TAOK2: variants seen among roughly 807,000 people sequenced by gnomAD.
TAOK2 encodes TAO kinase 2, also known as serine/threonine-protein kinase TAO2.
In TAOK2, 42 loss-of-function variants were observed where a neutral mutation model predicts 122.5. The observed-to-expected ratio is 0.34, with a 90% CI of 0.27 to 0.44. The LOEUF is 0.44. TAOK2 is among the 20% of genes least tolerant of loss of function. The probability of loss-of-function intolerance (pLI) is 1.00; values close to 1 mark genes in which losing one functional copy is unlikely to be tolerated. For synonymous variants in TAOK2, 704 were observed against 677.6 expected, an observed-to-expected ratio of 1.04 and a Z score of -0.61; for missense variants, 1,264 against 1,644.9, an observed-to-expected ratio of 0.77 and a Z score of 4.01.
intron 2 of TAOK2, 56 bp downstream of exon 2, chr16:29,977,960 G>T: frequency 6.2e-7 from 1 of 1,613,208 alleles, no homozygotes; most frequent in East Asian, 2.2e-5. Context: ...TATCCCTGTG[G>T]ACTTCCCAAC....
Position 29,983,323 on chromosome 16 carries a change from C to A in TAOK2, c.1251C>A (p.His417Gln), listed in dbSNP as rs2069677985. Residue 417 changes from histidine to glutamine, a missense_variant, in exon 12 of 16, where the codon CAC becomes CAA. Physicochemically the swap from His to Gln is conservative, Grantham distance 24 (BLOSUM62 0). This residue lies in a region of TAOK2 where 122 missense variants were observed against 116.7 expected (regional missense o/e 1.04). Transcript: ENST00000308893. ...HTVTSHSSII[H>Q]RLPGSDNLYD... Reference sequence around the variant, plus strand: ...TCACCTCTCACAGCTCCATTATCCACCGGCTGCCGGTACACAGCTCACCCT... The same window carrying A: ...TCACCTCTCACAGCTCCATTATCCAACGGCTGCCGGTACACAGCTCACCCT... 2 of 1,596,730 alleles carry A rather than the reference C, an allele frequency of 1.3e-6. No individual in the cohort carries two copies. The highest frequency in any genetic ancestry group is 1.3e-5 in the African/African-American group (1 of 74,872).
At chr16:29,976,622 C>G (rs867006679) in intron 1 of TAOK2, among the ~76,000 whole-genome samples, 2 of 152,162 alleles carry the variant, frequency 1.3e-5, no homozygotes, top group African/African-American at 2.4e-5. Context: ...TGGTATCCTG[C>G]AGGAACTTTC....
At chr16:29,990,163 A>AT, downstream of TAOK2, 1 of 231,442 alleles carries the variant, frequency 4.3e-6, no homozygotes, top group East Asian at 1.0e-4. Context: ...CTTCTGGAGG[A>AT]TTTTGAAAGT....
rs1240351892 is a variant in TAOK2, at chr16:29,987,027, G to T, written c.2755G>T (p.Asp919Tyr). 6.2e-7 allele frequency: 1 copy of T among 1,612,354 alleles called. No individual in the cohort carries two copies. Residue 919 changes from aspartate (D) to tyrosine (Y), a missense_variant, in exon 16 of 16, where the codon GAT (aspartate) becomes TAT (tyrosine). By Grantham distance (160) the Asp-to-Tyr change is radical (BLOSUM62 -3). Coordinates refer to ENST00000308893, the MANE Select transcript of TAOK2 (RefSeq NM_016151.4). Reference protein sequence around the residue: ...APIGTPRDPGDGCPSPDIPPE... With the variant: ...APIGTPRDPGYGCPSPDIPPE... ...GATTGGGACCCCTAGGGATCCTGGA[G>T]ATGGTTGTCCTTCCCCCGACATCCC...
Position 29,986,793 on chromosome 16 carries a change from G to T in TAOK2, c.2521G>T (p.Gly841Cys). ...GAGCCTGGTTGATGAGGAAGTTTGG[G>T]GTCTGCCTGAGGAGATAGAGGAGCT... Reference protein sequence around the residue: ...HGSLVDEEVWGLPEEIEELRV... With the variant: ...HGSLVDEEVWCLPEEIEELRV... Residue 841 changes from glycine to cysteine, a missense_variant, in exon 16 of 16, where the codon GGT becomes TGT. Physicochemically the swap from Gly to Cys is radical, Grantham distance 159. Transcript: ENST00000308893. This position sits in a 1 kb window ranked among gnomAD's most constrained non-coding sequence, Gnocchi z 4.2. 1 of 1,613,788 alleles carries T rather than the reference G, an allele frequency of 6.2e-7. No homozygotes were observed. Among genetic ancestry groups the T allele is most frequent in the African/African-American group, 1.3e-5 (1 of 74,962 alleles).
At position 29,985,772 on chromosome 16, in the gene TAOK2, C is replaced by T; in HGVS notation, c.1903C>T (p.Gln635Ter). Residue 635 changes from glutamine (Q) to a stop codon, truncating the protein, a stop_gained, in exon 15 of 16, where the codon CAG becomes TAG. Transcript: ENST00000308893. LOFTEE classifies it high-confidence loss of function. This position sits in a 1 kb window ranked among gnomAD's most constrained non-coding sequence, Gnocchi z 6.9. ...GGAGGAAGCAGGGCTGCTGCGGCGGCAGCGCCAGTACTTTGAGCTGCAGTG... is the reference window on the plus strand; with the variant it reads ...GGAGGAAGCAGGGCTGCTGCGGCGGTAGCGCCAGTACTTTGAGCTGCAGTG... ...AEEEAGLLRR[Q>*]RQYFELQCRQ... 1 of 1,611,250 alleles carries T rather than the reference C, an allele frequency of 6.2e-7. No individual in the cohort carries two copies.
rs1233599531 is a variant in TAOK2 at position 29,979,092 on chromosome 16, C to A, written c.449+22C>A. On this transcript the variant is annotated intron_variant, in intron 6 of 15. Transcript: ENST00000308893. The surrounding 1 kb of genome is among the most constrained non-coding windows in gnomAD (Gnocchi z 4.1). ...ATAGGTACAAGCAGCACCGGCAGTG[C>A]CTGGGAGGGGAGTGCTATCTGCACC... is the stretch of plus-strand genomic sequence containing the variant. 6.2e-7 allele frequency: 1 copy of A among 1,613,722 alleles called. No individual in the cohort carries two copies. Among genetic ancestry groups the A allele is most frequent in the Non-Finnish European group, 8.5e-7 (1 of 1,179,788 alleles).
downstream of TAOK2, chr16:29,991,451 G>T: frequency 6.6e-7 from 1 of 1,505,146 alleles, no homozygotes; most frequent in South Asian, 1.3e-5. The surrounding 1 kb of genome is among the most constrained non-coding windows in gnomAD (Gnocchi z 5.6). Context: ...GGGCAGCCTC[G>T]GGGGGCAGTG....
Position 29,974,256 on chromosome 16 carries a change from C to T in TAOK2, c.-428C>T, listed in dbSNP as rs190480473. The stretch of plus-strand genomic sequence containing the variant: ...ATATCCGGGACTCGGGTCCCAACCT[C>T]TCTAAACCTGGGTCTCTGTTTCATA... On this transcript the variant is annotated 5_prime_UTR_variant, in exon 1 of 16. Coordinates refer to ENST00000308893, the MANE Select transcript of TAOK2 (RefSeq NM_016151.4). The T allele has an allele frequency of 6.5e-6, 1 of 152,758 alleles. No individual in the cohort carries two copies. Among genetic ancestry groups the T allele is most frequent in the African/African-American group, 2.4e-5 (1 of 41,580 alleles). 9.5% of individuals were successfully genotyped at this position (152,758 alleles called of 1,614,324 possible).
At chr16:29,978,382 C>A in intron 4 of TAOK2, 29 bp downstream of exon 4, 1 of 1,604,778 alleles carries the variant, frequency 6.2e-7, no homozygotes, top group Non-Finnish European at 8.5e-7. Context: ...CTGGCCTGAT[C>A]TTTACTCCTA....
downstream of TAOK2, chr16:29,992,090 C>CTTTTTT (rs878891173): frequency 7.3e-6 from 1 of 137,774 alleles, no homozygotes; most frequent in Non-Finnish European, 1.6e-5. Flanking sequence ...TGTCCTTTAT[C>CTTTTTT]TTTTTTTTTT....
chr16:29,991,248 C>CGTCCCGT, downstream of TAOK2: 1 of 1,612,096 alleles, frequency 6.2e-7, no homozygotes, highest in Non-Finnish European at 8.5e-7. The surrounding 1 kb of genome is among the most constrained non-coding windows in gnomAD (Gnocchi z 5.6). Context: ...CTGGCCCTCC[C>CGTCCCGT]GTCCCGTTCC....
chr16:29,981,516 C>T lies in TAOK2; in HGVS notation c.656-145C>T, dbSNP rs769029541. On this transcript the variant is annotated intron_variant, in intron 8 of 15. Transcript: ENST00000308893. ...TTACAGAGGAAGGAATTAACTGAGACGCAACAGGATGATGGGAACTTCTCA... is the reference window on the plus strand; with the variant it reads ...TTACAGAGGAAGGAATTAACTGAGATGCAACAGGATGATGGGAACTTCTCA... The T allele has an allele frequency of 2.0e-5, 15 of 741,862 alleles. 1 individual carries two copies. Among genetic ancestry groups the T allele is most frequent in the Admixed American group, 8.0e-5 (4 of 49,758 alleles). 46.0% of individuals were successfully genotyped at this position (741,862 alleles called of 1,614,324 possible). A position where few individuals can be genotyped will look rare whatever the true frequency, so the allele number is the denominator to read the frequency against.
Position 29,981,850 on chromosome 16 carries a change from G to T in TAOK2, c.750-9G>T, listed in dbSNP as rs2069628161. On this transcript the variant is annotated splice_polypyrimidine_tract_variant and intron_variant, in intron 9 of 15. Transcript: ENST00000308893. ...CCCCACCCCTCTCCCACCCTCCTGT[G>T]ACTTTCAGGTCTGAGTACTTCCGGA... 2 of 1,607,406 alleles carry T rather than the reference G, an allele frequency of 1.2e-6. 1 individual carries two copies. Among genetic ancestry groups the T allele is most frequent in the East Asian group, 4.5e-5 (2 of 44,826 alleles).
chr16:29,988,604 G>C, downstream of TAOK2: 2 of 985,414 alleles, frequency 2.0e-6, no homozygotes, highest in African/African-American at 3.5e-5. Context: ...GGCCCCTGTA[G>C]AACTTCACCG....
chr16:29,991,946 C>G (rs2069979964), downstream of TAOK2: 3 of 169,442 alleles, frequency 1.8e-5, no homozygotes, highest in African/African-American at 7.1e-5. The surrounding 1 kb of genome is among the most constrained non-coding windows in gnomAD (Gnocchi z 5.6). Flanking sequence ...AGACCTGCCA[C>G]AGGGCAGAGC....
chr16:29,986,405 G>A lies in TAOK2; in HGVS notation c.2133G>A (p.Gln711=). 6.2e-7 allele frequency: 1 copy of A among 1,611,536 alleles called. No individual in the cohort carries two copies. The highest frequency in any genetic ancestry group is 8.5e-7 in the Non-Finnish European group (1 of 1,178,624). ...CTGAGCTCACCCGCCTGCAGCACCA[G>A]ACGGAGCTGGGCAACCAGCTGGAGT... The part of the protein sequence containing the change: ...TRAELTRLQH[Q]TELGNQLEYN... Residue 711 remains glutamine, a synonymous_variant, in exon 16 of 16, where the codon CAG becomes CAA. Transcript: ENST00000308893. The surrounding 1 kb of genome is among the most constrained non-coding windows in gnomAD (Gnocchi z 4.2).
chr16:29,982,608 G>A (rs1242377215), intron 10 of TAOK2, 126 bp from the exon 11 acceptor site: 2 of 1,289,402 alleles, frequency 1.6e-6, no homozygotes, highest in Middle Eastern at 2.8e-4. Flanking sequence ...CTTGGGATAA[G>A]GCCAGCATCA....
downstream of TAOK2, chr16:29,989,862 T>G (rs1032736332): frequency 7.0e-6 from 11 of 1,573,220 alleles, no homozygotes; most frequent in Non-Finnish European, 9.5e-6. Context: ...GTACTTTGCT[T>G]TAGAGAAATG....
Sources: gnomAD v4.1 joint callset for allele counts (sites outside exome capture counted in the v4.1 genomes callset) on GRCh38, gnomAD v4.1.1 for gene constraint, gnomAD v4.1.1 regional missense constraint, Gnocchi (gnomAD v3.1) non-coding constraint, MANE v1.5 for transcripts, NCBI Gene and HGNC (gene_info 2026-07-23, HGNC 2026-07-21) for gene names.